Variants in MEP1A observed in about 807,000 individuals in gnomAD.
MEP1A encodes meprin A subunit alpha, also known as N-benzoyl-L-tyrosyl-P-amino-benzoic acid hydrolase subunit alpha.
Under a neutral mutation model 84.5 loss-of-function variants are expected in MEP1A, and 68 were observed. The ratio of observed to expected loss-of-function variants is 0.80; its 90% CI spans 0.66 to 0.98. The LOEUF (loss-of-function observed/expected upper bound fraction) is 0.98, where lower values mean the gene tolerates loss of function less well. Ranked by LOEUF, MEP1A falls within the 50% of genes least tolerant of loss-of-function variation. The probability of loss-of-function intolerance (pLI) is 0.00; values close to 1 mark genes in which losing one functional copy is unlikely to be tolerated. For synonymous variants in MEP1A, 337 were observed against 336.8 expected, an observed-to-expected ratio of 1.00 and a Z score of -0.01; for missense variants, 887 against 919.9, an observed-to-expected ratio of 0.96 and a Z score of 0.46.
chr6:46,821,311 T>C (rs913518377), intron 7 of MEP1A, among the ~76,000 whole-genome samples: 6 of 152,156 alleles, frequency 3.9e-5, no homozygotes, highest in African/African-American at 1.4e-4. Flanking sequence ...AACCACATAC[T>C]CCGACCATCT....
At chr6:46,816,913 G>A (rs1332816312) in intron 6 of MEP1A, among the ~76,000 whole-genome samples, 1 of 152,158 alleles carries the variant, frequency 6.6e-6, no homozygotes, top group Non-Finnish European at 1.5e-5. Flanking sequence ...GTGATGGAGA[G>A]CCATGTGTGA....
At chr6:46,842,969 T>C (rs2150761369), downstream of MEP1A, among the ~76,000 whole-genome samples, 1 of 152,332 alleles carries the variant, frequency 6.6e-6, no homozygotes, top group South Asian at 2.1e-4. Flanking sequence ...CAACCTGTTT[T>C]GTAGGTGTAG....
intron 6 of MEP1A, among the ~76,000 whole-genome samples, 166 bp from the exon 7 acceptor site, chr6:46,819,363 T>A (rs1767713031): frequency 6.6e-6 from 1 of 152,210 alleles, no homozygotes; most frequent in South Asian, 2.1e-4. Context: ...GAATGCTCCT[T>A]CTTTAAGCAG....
chr6:46,801,376 ATTTAGCACATTTTAG>A (rs1275314524), intron 5 of MEP1A, among the ~76,000 whole-genome samples: 1 of 152,108 alleles, frequency 6.6e-6, no homozygotes, highest in Non-Finnish European at 1.5e-5. Flanking sequence ...GATTAGTGAT[ATTTAGCACATTTTAG>A]TATGCTACTG....
chr6:46,834,840 TG>T lies in MEP1A; in HGVS notation c.1783+93del, dbSNP rs560464653. 4.8e-4 allele frequency: 479 copies of T among 998,454 alleles called. No individual in the cohort carries two copies. The African/African-American group carries it at 6.9e-3, about 14-fold the overall frequency. 61.8% of individuals were successfully genotyped at this position (998,454 alleles called of 1,614,324 possible). ...TGATTTTTAAAGCACACACGGAGGG[TG>T]GGGATGAGGTTAAAACAATGTGTTG... On this transcript the variant is annotated intron_variant, in intron 12 of 13. Coordinates refer to ENST00000230588, the MANE Select transcript of MEP1A (RefSeq NM_005588.3).
chr6:46,802,005 C>T (rs1180080972), intron 5 of MEP1A, among the ~76,000 whole-genome samples: 1 of 151,926 alleles, frequency 6.6e-6, no homozygotes, highest in Admixed American at 6.6e-5. Flanking sequence ...ACTCTAGCTT[C>T]ACAGTTAACC....
At position 46,835,533 on chromosome 6, in the gene MEP1A, G is replaced by A. The variant is rs1176445629; in HGVS notation, c.2068G>A (p.Gly690Arg). 1 of 1,613,584 alleles carries A rather than the reference G, an allele frequency of 6.2e-7. No individual in the cohort carries two copies. The highest frequency in any genetic ancestry group is 8.5e-7 in the Non-Finnish European group (1 of 1,179,778). Residue 690 changes from glycine (G) to arginine (R), a missense_variant, in exon 13 of 14, where the codon GGG (glycine) becomes AGG (arginine). By Grantham distance (125) the Gly-to-Arg change is moderately radical. Transcript: ENST00000230588. ...TGACGGCATCTGTGTGAACGTGAAG[G>A]GGATGGCGAGCTGCAGGTAGGCTCT... ...QNDGICVNVK[G>R]MASCRCISGH...
At chr6:46,828,827 CT>C (rs1452434378) in intron 9 of MEP1A, among the ~76,000 whole-genome samples, 1 of 152,132 alleles carries the variant, frequency 6.6e-6, no homozygotes, top group Non-Finnish European at 1.5e-5. Flanking sequence ...CTGAATAGCC[CT>C]TCTTATAATA....
In MEP1A at chr6:46,799,204, A is replaced by T. The variant is rs772517549; in HGVS notation, c.262+23A>T. 14 of 1,497,888 alleles carry T rather than the reference A, an allele frequency of 9.3e-6. No homozygotes were observed. The African/African-American group carries it at 1.9e-4, about 21-fold the overall frequency. The allele number at this position is 1,497,888 out of a possible 1,614,324, so 92.8% of individuals were successfully genotyped here. ...TGGGTAATATTAATTGTTCTTAATTAGGAAGTTTCAGTTTAACTCTCTCTC... is the reference window on the plus strand; with the variant it reads ...TGGGTAATATTAATTGTTCTTAATTTGGAAGTTTCAGTTTAACTCTCTCTC... On this transcript the variant is annotated intron_variant, in intron 5 of 13. Coordinates refer to ENST00000230588, the MANE Select transcript of MEP1A (RefSeq NM_005588.3).
chr6:46,793,795 T>C (rs928655579), intron 3 of MEP1A, 79 bp downstream of exon 3: 10 of 1,009,510 alleles, frequency 9.9e-6, no homozygotes, highest in Non-Finnish European at 1.4e-5. Context: ...CTTTCCTTCC[T>C]AATACTGTAT....
chr6:46,825,810 G>A (rs147114573), intron 8 of MEP1A, among the ~76,000 whole-genome samples: 245 of 152,276 alleles, frequency 1.6e-3, no homozygotes, highest in African/African-American at 5.2e-3. Context: ...CTGGACAAAC[G>A]TAAGGAGATG....
intron 5 of MEP1A, 58 bp downstream of exon 5, chr6:46,799,239 C>A (rs1331871677): frequency 3.4e-6 from 4 of 1,171,454 alleles, no homozygotes; most frequent in Admixed American, 3.4e-5. Context: ...CTCCTCTCAG[C>A]CTGTCCATGG....
rs1581688606 is a variant in MEP1A, at chr6:46,833,301, C to T, written c.1372C>T (p.Arg458Ter). 6 of 1,614,172 alleles carry T rather than the reference C, an allele frequency of 3.7e-6. No individual in the cohort carries two copies. Among genetic ancestry groups the T allele is most frequent in the South Asian group, 2.2e-5 (2 of 91,086 alleles). The change falls in exon 11 of 14, where the codon CGA (arginine) becomes TGA (stop). Residue 458 changes from arginine to a stop codon, truncating the protein, a stop_gained. Coordinates refer to ENST00000230588, the MANE Select transcript of MEP1A (RefSeq NM_005588.3). LOFTEE classifies it high-confidence loss of function. ...CAAAGGGGACAAGCTTCAGAGCCCT[C>T]GATTCTACAATTCGGAGGGATATGG... Reference protein sequence around the residue: ...TSKGDKLQSPRFYNSEGYGFG... With the variant: ...TSKGDKLQSP
chr6:46,808,140 T>C (rs1220679529), intron 5 of MEP1A, among the ~76,000 whole-genome samples: 1 of 150,988 alleles, frequency 6.6e-6, no homozygotes, highest in African/African-American at 2.5e-5. Context: ...TTCAGTATAA[T>C]CACTTTTTTT....
rs142874516 is a variant in MEP1A, at chr6:46,809,191, G to A, written c.263-229G>A. Among the ~76,000 whole-genome samples the A allele has an allele frequency of 1.4e-4, 21 of 152,134 alleles. No homozygotes were observed. In the East Asian group the frequency reaches 4.1e-3, roughly 29 times the overall value. On this transcript the variant is annotated intron_variant, in intron 5 of 13. Transcript: ENST00000230588. ...ATATTCTTATTTTGTAGACATATTT[G>A]CATTGTGCATTTAAGGTATGCACTT...
chr6:46,795,125 A>G (rs1767022978), intron 3 of MEP1A, among the ~76,000 whole-genome samples: 1 of 152,126 alleles, frequency 6.6e-6, no homozygotes, highest in Admixed American at 6.6e-5. Context: ...CTTATCCTCC[A>G]TCCCAAGACC....
intron 5 of MEP1A, among the ~76,000 whole-genome samples, chr6:46,805,374 A>G (rs1232498103): frequency 6.6e-6 from 1 of 151,854 alleles, no homozygotes; most frequent in Non-Finnish European, 1.5e-5. Flanking sequence ...TATTTTATTA[A>G]TTTATTGATT....
At chr6:46,810,993 G>A (rs1028634241) in intron 6 of MEP1A, among the ~76,000 whole-genome samples, 1 of 151,758 alleles carries the variant, frequency 6.6e-6, no homozygotes, top group Non-Finnish European at 1.5e-5. Flanking sequence ...GGTTTTTCCA[G>A]GTCTGTGAAG....
intron 5 of MEP1A, among the ~76,000 whole-genome samples, chr6:46,805,676 C>A (rs1286075078): frequency 6.6e-6 from 1 of 151,722 alleles, no homozygotes; most frequent in Non-Finnish European, 1.5e-5. Context: ...TGTCTTTTTT[C>A]TCTAGTTGTT....
Sources: gnomAD v4.1 joint callset for allele counts (sites outside exome capture counted in the v4.1 genomes callset) on GRCh38, gnomAD v4.1.1 for gene constraint, MANE v1.5 for transcripts, NCBI Gene and HGNC (gene_info 2026-07-23, HGNC 2026-07-21) for gene names.